The following FSTL4 variants were observed in gnomAD, a reference collection of about 807,000 sequenced individuals.
FSTL4 encodes follistatin-related protein 4.
In FSTL4, 28 loss-of-function variants were observed where a neutral mutation model predicts 78.2. The observed-to-expected ratio is 0.36, with a 90% confidence interval of 0.27 to 0.49. The LOEUF (loss-of-function observed/expected upper bound fraction) is 0.49. Among genes scored for constraint, FSTL4 ranks in the 20% least tolerant of loss-of-function variants. FSTL4 has a pLI of 0.98. For missense variants in FSTL4, 922 were observed against 1,084.9 expected (o/e 0.85, Z 2.11); for synonymous variants, 422 against 440.5 (o/e 0.96, Z 0.53).
At chr5:133,782,873 A>G in the FSTL4 span, among the ~76,000 whole-genome samples, 1 of 152,204 alleles carries the variant, frequency 6.6e-6, no homozygotes, top group Admixed American at 6.5e-5. Flanking sequence ...GCCCAGAGCA[A>G]GCTTGGAATC....
the FSTL4 span, among the ~76,000 whole-genome samples, chr5:133,714,525 C>T: frequency 6.6e-6 from 1 of 152,216 alleles, no homozygotes; most frequent in East Asian, 1.9e-4. Context: ...CTCAAAAATA[C>T]TCGATGCCTC....
chr5:133,510,375 T>C (rs990230211), intron 3 of FSTL4, among the ~76,000 whole-genome samples: 3 of 152,150 alleles, frequency 2.0e-5, no homozygotes, highest in Non-Finnish European at 4.4e-5. Flanking sequence ...CTCCTGCTTA[T>C]TTCTATATAA....
chr5:133,282,840 T>G (rs2126860567), intron 6 of FSTL4, among the ~76,000 whole-genome samples: 1 of 152,364 alleles, frequency 6.6e-6, no homozygotes, highest in Non-Finnish European at 1.5e-5. Context: ...GGGTCTGTAC[T>G]GACCTTGTTA....
At chr5:133,266,306 G>A (rs374695880) in intron 6 of FSTL4, among the ~76,000 whole-genome samples, 1 of 152,366 alleles carries the variant, frequency 6.6e-6, no homozygotes, top group South Asian at 2.1e-4. Context: ...TTCTACAGAC[G>A]GATTAGGAAG....
intron 3 of FSTL4, among the ~76,000 whole-genome samples, chr5:133,501,191 G>A (rs754372418): frequency 2.6e-5 from 4 of 152,004 alleles, no homozygotes; most frequent in Non-Finnish European, 5.9e-5. Flanking sequence ...CAGACGGCTG[G>A]GGAAAGGAAG....
At chr5:133,702,531 G>T in the FSTL4 span, among the ~76,000 whole-genome samples, 1 of 152,142 alleles carries the variant, frequency 6.6e-6, no homozygotes, top group Non-Finnish European at 1.5e-5. Flanking sequence ...GGGAGCAAGA[G>T]GGGTGAGTGG....
chr5:133,543,751 C>A (rs1250850110), intron 3 of FSTL4, among the ~76,000 whole-genome samples: 4 of 151,842 alleles, frequency 2.6e-5, no homozygotes, highest in Non-Finnish European at 5.9e-5. Flanking sequence ...TCAATTGGAA[C>A]ATTTGGTTTG....
chr5:133,403,373 G>A (rs531791693), intron 3 of FSTL4, among the ~76,000 whole-genome samples: 1 of 152,256 alleles, frequency 6.6e-6, no homozygotes, highest in African/African-American at 2.4e-5. Context: ...TCTCTATGAA[G>A]TGCTTGCTAC....
chr5:133,787,749 C>T, the FSTL4 span, among the ~76,000 whole-genome samples: 2 of 152,222 alleles, frequency 1.3e-5, no homozygotes, highest in Non-Finnish European at 2.9e-5. Flanking sequence ...CAGCTCCCTA[C>T]ACTCACAGCC....
intron 3 of FSTL4, among the ~76,000 whole-genome samples, chr5:133,408,214 C>T (rs2126977487): frequency 6.6e-6 from 1 of 152,202 alleles, no homozygotes; most frequent in African/African-American, 2.4e-5. Flanking sequence ...AAACAAGGTC[C>T]CAGAGGGAGG....
At chr5:133,441,500 C>T (rs1001764029) in intron 3 of FSTL4, among the ~76,000 whole-genome samples, 7 of 152,210 alleles carry the variant, frequency 4.6e-5, no homozygotes, top group Admixed American at 1.3e-4. Flanking sequence ...CCAGCCCTCA[C>T]CCATCACAGT....
At chr5:133,552,673 C>T (rs538915502) in intron 3 of FSTL4, among the ~76,000 whole-genome samples, 1 of 152,262 alleles carries the variant, frequency 6.6e-6, no homozygotes, top group East Asian at 1.9e-4. Context: ...CAGTTTGAGA[C>T]CTGTCATATG....
the FSTL4 span, among the ~76,000 whole-genome samples, chr5:133,779,198 T>C: frequency 6.6e-6 from 1 of 152,148 alleles, no homozygotes; most frequent in Non-Finnish European, 1.5e-5. Context: ...TTCAAGCCCA[T>C]CCTCTCTGCT....
chr5:133,560,562 CA>C (rs1759889425), intron 3 of FSTL4, among the ~76,000 whole-genome samples: 1 of 151,962 alleles, frequency 6.6e-6, no homozygotes, highest in Admixed American at 6.6e-5. Flanking sequence ...ACGGGGTTTT[CA>C]CCATGCTGGC....
rs180874445 is a variant in FSTL4 at position 133,303,243 on chromosome 5, G to C, written c.727+9411C>G. On this transcript the variant is annotated intron_variant, in intron 6 of 15. Transcript: ENST00000265342. ...TGGGGAATGGCTGGCCTCTGGGCTA[G>C]AAGAGGTGCTCCTTAGCCTTTGGGG... Among the ~76,000 whole-genome samples the C allele has an allele frequency of 4.9e-4, 75 of 152,368 alleles. 1 individual carries two copies. Among genetic ancestry groups the C allele is most frequent in the African/African-American group, 1.7e-3 (72 of 41,590 alleles).
upstream of FSTL4, among the ~76,000 whole-genome samples, chr5:133,617,247 C>T (rs13361781): frequency 0.012 from 1,746 of 141,074 alleles, 31 homozygotes; most frequent in African/African-American, 0.043. Flanking sequence ...TGCAGTGAGC[C>T]GAGGTCGTGC....
chr5:133,249,018 C>T (rs1752129201), intron 7 of FSTL4, among the ~76,000 whole-genome samples: 1 of 152,242 alleles, frequency 6.6e-6, no homozygotes, highest in Non-Finnish European at 1.5e-5. Context: ...TAAGGTCCCC[C>T]AGCCCACTGT....
At chr5:133,205,241 C>T (rs575016077) in intron 14 of FSTL4, among the ~76,000 whole-genome samples, 19 of 152,220 alleles carry the variant, frequency 1.2e-4, no homozygotes, top group African/African-American at 1.9e-4. Flanking sequence ...TTATTGAAAA[C>T]GTCCTACATG....
At chr5:133,699,622 C>T in the FSTL4 span, among the ~76,000 whole-genome samples, 1 of 152,178 alleles carries the variant, frequency 6.6e-6, no homozygotes, top group African/African-American at 2.4e-5. Flanking sequence ...TGGCTCACGC[C>T]TGTAATCCCA....
Sources: allele counts gnomAD v4.1 joint callset (sites outside exome capture counted in the v4.1 genomes callset), GRCh38; gene constraint gnomAD v4.1.1; transcripts MANE v1.5; gene names NCBI Gene and HGNC (gene_info 2026-07-23, HGNC 2026-07-21).